Variants in TENM3 observed in about 807,000 individuals in gnomAD.
TENM3 encodes the protein teneurin-3.
Under a neutral mutation model 255.1 loss-of-function variants are expected in TENM3, and 63 were observed. The observed-to-expected ratio is 0.25, with a 90% CI of 0.20 to 0.30. TENM3 has a LOEUF of 0.30. Ranked by LOEUF, TENM3 falls within the 10% of genes least tolerant of loss-of-function variation. The pLI is 1.00. For missense variants in TENM3, 2,929 were observed against 3,461.1 expected (o/e 0.85, Z 3.86); for synonymous variants, 1,306 against 1,322.3 (o/e 0.99, Z 0.27).
chr4:182,004,396 C>T, the TENM3 span, among the ~76,000 whole-genome samples: 1 of 152,184 alleles, frequency 6.6e-6, no homozygotes, highest in Non-Finnish European at 1.5e-5. Flanking sequence ...AGGACATGAT[C>T]TCATTCCTTT....
chr4:182,227,083 A>G (rs1756207667), intron 1 of TENM3, among the ~76,000 whole-genome samples: 1 of 152,126 alleles, frequency 6.6e-6, no homozygotes, highest in Non-Finnish European at 1.5e-5. Context: ...TTGAATTTGT[A>G]AATTCAGTTA....
chr4:181,949,304 C>T, the TENM3 span, among the ~76,000 whole-genome samples: 5 of 152,194 alleles, frequency 3.3e-5, no homozygotes, highest in African/African-American at 1.2e-4. Flanking sequence ...AATAGAACAA[C>T]TGCAAAAGGT....
intron 16 of TENM3, among the ~76,000 whole-genome samples, chr4:182,735,906 A>G (rs17073943): frequency 0.29 from 44,589 of 152,036 alleles, 6,842 homozygotes; most frequent in African/African-American, 0.35. Context: ...CTGGTAATCT[A>G]TGGGGTTAAG....
At chr4:182,008,295 G>A in the TENM3 span, among the ~76,000 whole-genome samples, 1,258 of 152,148 alleles carry the variant, frequency 8.3e-3, 17 homozygotes, top group African/African-American at 0.028. Context: ...CTAGGCTGGC[G>A]AAGTTCTCCT....
At chr4:182,176,120 A>G (rs1372053268) in intron 1 of TENM3, among the ~76,000 whole-genome samples, 2 of 148,558 alleles carry the variant, frequency 1.3e-5, no homozygotes, top group Non-Finnish European at 3.0e-5. Flanking sequence ...TTAAGGTCAC[A>G]TACTGTTAGA....
At chr4:181,965,277 A>G in the TENM3 span, among the ~76,000 whole-genome samples, 1 of 152,186 alleles carries the variant, frequency 6.6e-6, no homozygotes, top group Admixed American at 6.5e-5. Flanking sequence ...GCTTCTCCCT[A>G]TGAAAAGAAA....
chr4:181,733,906 A>T, the TENM3 span, among the ~76,000 whole-genome samples: 1 of 152,344 alleles, frequency 6.6e-6, no homozygotes, highest in South Asian at 2.1e-4. Flanking sequence ...ATATGCTGTG[A>T]CTCAAATCTT....
chr4:182,328,318 C>A (rs890000399), intron 2 of TENM3, among the ~76,000 whole-genome samples: 1 of 151,960 alleles, frequency 6.6e-6, no homozygotes, highest in Non-Finnish European at 1.5e-5. Context: ...TGGGTTCAAG[C>A]AATTTTCCTG....
intron 25 of TENM3, among the ~76,000 whole-genome samples, chr4:182,790,732 A>C (rs1766039166): frequency 6.6e-6 from 1 of 152,208 alleles, no homozygotes; most frequent in African/African-American, 2.4e-5. Flanking sequence ...TTCGTTCTGG[A>C]GCAGTTTTCC....
At chr4:182,378,099 GCTC>G (rs201570166) in intron 3 of TENM3, among the ~76,000 whole-genome samples, 2 of 30,590 alleles carry the variant, frequency 6.5e-5, no homozygotes, top group African/African-American at 3.2e-4. Context: ...GGGAGTAGCT[GCTC>G]CCTTTCACTG....
intron 3 of TENM3, among the ~76,000 whole-genome samples, chr4:182,590,618 G>A (rs562373788): frequency 6.6e-6 from 1 of 150,710 alleles, no homozygotes; most frequent in South Asian, 2.1e-4. Context: ...CCAACACTTT[G>A]GGGGGCTGAG....
chr4:181,956,837 TGATTTA>T, the TENM3 span, among the ~76,000 whole-genome samples: 1 of 152,218 alleles, frequency 6.6e-6, no homozygotes. Context: ...GGACTACATA[TGATTTA>T]GATTAACGGG....
the TENM3 span, among the ~76,000 whole-genome samples, chr4:181,525,016 T>G: frequency 6.6e-6 from 1 of 152,268 alleles, no homozygotes; most frequent in South Asian, 2.1e-4. Context: ...TATACGACAT[T>G]TATGGTTCAA....
chr4:181,790,879 C>G, the TENM3 span, among the ~76,000 whole-genome samples: 2 of 152,210 alleles, frequency 1.3e-5, no homozygotes, highest in South Asian at 4.1e-4. Context: ...CCTCTGCTTA[C>G]CTTTGCCTGC....
chr4:181,747,460 A>G, the TENM3 span, among the ~76,000 whole-genome samples: 1 of 152,088 alleles, frequency 6.6e-6, no homozygotes, highest in African/African-American at 2.4e-5. Flanking sequence ...AACATCTGCA[A>G]AACTTGAGTA....
chr4:182,264,546 C>G (rs770732954), intron 1 of TENM3, among the ~76,000 whole-genome samples: 7 of 152,216 alleles, frequency 4.6e-5, no homozygotes, highest in Non-Finnish European at 8.8e-5. Flanking sequence ...GGAAAAAAGA[C>G]AGAGACTGTC....
chr4:181,942,620 A>G, the TENM3 span, among the ~76,000 whole-genome samples: 1 of 152,150 alleles, frequency 6.6e-6, no homozygotes. Context: ...ATTGTCATTT[A>G]CAGCAATTAG....
chr4:181,793,468 C>T, the TENM3 span, among the ~76,000 whole-genome samples: 1 of 152,184 alleles, frequency 6.6e-6, no homozygotes, highest in Non-Finnish European at 1.5e-5. Context: ...TCAGGAGTCT[C>T]AGTCTCGCAG....
At chr4:182,679,550 C>G in intron 7 of TENM3, 116 bp from the exon 8 acceptor site, 1 of 834,738 alleles carries the variant, frequency 1.2e-6, no homozygotes, top group South Asian at 1.8e-5. Context: ...CTGTCAGGAA[C>G]TTCTTTCTAA....
Sources: gnomAD v4.1 joint callset for allele counts (sites outside exome capture counted in the v4.1 genomes callset) on GRCh38, gnomAD v4.1.1 for gene constraint, MANE v1.5 for transcripts, NCBI Gene and HGNC (gene_info 2026-07-23, HGNC 2026-07-21) for gene names.